The following HTR4 variants were observed in gnomAD, a reference collection of about 807,000 sequenced individuals.
HTR4 encodes the protein 5-hydroxytryptamine receptor 4.
Under a neutral mutation model 36.8 loss-of-function variants are expected in HTR4, and 16 were observed. That is an observed-to-expected ratio of 0.43 (90% CI 0.29 to 0.66). The LOEUF is 0.66. HTR4 is among the 30% of genes least tolerant of loss of function. The pLI, the probability that HTR4 is intolerant of heterozygous loss-of-function variation, is 0.13. For missense variants in HTR4, 438 were observed against 490.9 expected, an observed-to-expected ratio of 0.89 and a Z score of 1.02; for synonymous variants, 189 against 185.1, an observed-to-expected ratio of 1.02 and a Z score of -0.17.
chr5:148,462,707 AC>A (rs1478764648), intron 5 of HTR4, among the ~76,000 whole-genome samples: 1 of 152,130 alleles, frequency 6.6e-6, no homozygotes, highest in Non-Finnish European at 1.5e-5. Flanking sequence ...TTACAAAAAA[AC>A]AAAAAACCCT....
downstream of HTR4, among the ~76,000 whole-genome samples, chr5:148,479,502 A>G (rs992101760): frequency 2.0e-5 from 3 of 152,192 alleles, no homozygotes; most frequent in African/African-American, 7.2e-5. Flanking sequence ...ACTCATATAA[A>G]CATATGTATA....
chr5:148,549,986 T>A, intron 3 of HTR4, 151 bp downstream of exon 3: 1 of 717,700 alleles, frequency 1.4e-6, no homozygotes, highest in Non-Finnish European at 2.2e-6. Context: ...TTAATTGCAA[T>A]CCCTTTTTCT....
At chr5:148,572,654 C>T (rs1393196030) in intron 2 of HTR4, among the ~76,000 whole-genome samples, 2 of 152,086 alleles carry the variant, frequency 1.3e-5, no homozygotes, top group Non-Finnish European at 2.9e-5. Flanking sequence ...TTCGTCATTA[C>T]CAATAGTTGT....
chr5:148,628,941 G>C (rs986181216), intron 2 of HTR4: 1 of 152,070 alleles, frequency 6.6e-6, no homozygotes, highest in Non-Finnish European at 1.5e-5. Context: ...ATCCTATTAG[G>C]TACAGAGGTA....
chr5:148,531,408 A>G (rs977533976), intron 4 of HTR4, among the ~76,000 whole-genome samples: 5 of 152,146 alleles, frequency 3.3e-5, no homozygotes, highest in African/African-American at 1.2e-4. Flanking sequence ...GTTTCCCTGT[A>G]CAAGCTCTCT....
intron 2 of HTR4, among the ~76,000 whole-genome samples, chr5:148,634,237 CA>C (rs1050082924): frequency 6.6e-6 from 1 of 152,104 alleles, no homozygotes; most frequent in African/African-American, 2.4e-5. Context: ...AGGGCATTTG[CA>C]GTCTCCTGCC....
intron 2 of HTR4, among the ~76,000 whole-genome samples, chr5:148,596,688 G>A (rs1761790681): frequency 6.6e-6 from 1 of 151,422 alleles, no homozygotes; most frequent in African/African-American, 2.4e-5. Context: ...TGGAGGGAGG[G>A]GGGTGGGAGG....
At chr5:148,459,153 C>T (rs952975846) in intron 5 of HTR4, among the ~76,000 whole-genome samples, 4 of 152,032 alleles carry the variant, frequency 2.6e-5, no homozygotes, top group Non-Finnish European at 5.9e-5. Flanking sequence ...ACATTCCAGG[C>T]ATGGGCATGG....
At chr5:148,575,828 C>A (rs1760875759) in intron 2 of HTR4, among the ~76,000 whole-genome samples, 1 of 151,928 alleles carries the variant, frequency 6.6e-6, no homozygotes. Context: ...CGGCCCAAGA[C>A]AAGGATGCCT....
intron 2 of HTR4, among the ~76,000 whole-genome samples, chr5:148,563,105 A>T (rs1021512788): frequency 2.0e-5 from 3 of 152,086 alleles, no homozygotes; most frequent in Admixed American, 6.6e-5. Context: ...CCTCACCATG[A>T]CCTATGTAAA....
intron 2 of HTR4, among the ~76,000 whole-genome samples, chr5:148,571,611 A>T (rs1760680911): frequency 1.3e-5 from 2 of 152,016 alleles, no homozygotes; most frequent in Non-Finnish European, 1.5e-5. Context: ...GGGGTGATTG[A>T]GAATTACTGG....
Position 148,483,072 on chromosome 5 carries a change from C to G in HTR4, c.*131G>C, listed in dbSNP as rs913932143. The G allele has an allele frequency of 6.7e-7, 1 of 1,492,264 alleles. No homozygotes were observed. The highest frequency in any genetic ancestry group is 1.4e-5 in the African/African-American group (1 of 71,512). The allele number at this position is 1,492,264 out of a possible 1,614,324, so 92.4% of individuals were successfully genotyped here. ...CTCAGAGGAAAAGCCCAGCGAGCAC[C>G]GGGTTCCTGCACTGGCGGACGGAAA... On this transcript the variant is annotated 3_prime_UTR_variant, in exon 7 of 7. Transcript: ENST00000377888.
At chr5:148,578,101 T>C (rs951488959) in intron 2 of HTR4, among the ~76,000 whole-genome samples, 6 of 152,166 alleles carry the variant, frequency 3.9e-5, no homozygotes, top group Non-Finnish European at 7.4e-5. Context: ...CTTAATGTAC[T>C]AAAAAGTATT....
chr5:148,458,039 A>C (rs1307795399), intron 5 of HTR4, among the ~76,000 whole-genome samples: 1 of 138,316 alleles, frequency 7.2e-6, no homozygotes, highest in African/African-American at 2.6e-5. Context: ...TATTTAATAT[A>C]TATTAAAATA....
chr5:148,455,800 T>C (rs1463268833), intron 5 of HTR4, among the ~76,000 whole-genome samples: 3 of 152,264 alleles, frequency 2.0e-5, no homozygotes, highest in Non-Finnish European at 2.9e-5. Flanking sequence ...TATAATAAAG[T>C]AAGCTACAGA....
intron 2 of HTR4, among the ~76,000 whole-genome samples, chr5:148,565,318 G>A (rs911226574): frequency 6.6e-6 from 1 of 152,016 alleles, no homozygotes; most frequent in Non-Finnish European, 1.5e-5. Context: ...ATCATTATGA[G>A]AGCATGTTGT....
At chr5:148,562,309 G>A (rs1760252274) in intron 2 of HTR4, among the ~76,000 whole-genome samples, 1 of 152,154 alleles carries the variant, frequency 6.6e-6, no homozygotes, top group Non-Finnish European at 1.5e-5. Flanking sequence ...TTTGTAACCA[G>A]AGATGTTTGG....
chr5:148,648,330 G>A (rs532763882), intron 1 of HTR4, among the ~76,000 whole-genome samples: 1 of 152,268 alleles, frequency 6.6e-6, no homozygotes, highest in South Asian at 2.1e-4. Flanking sequence ...AGTCGTGCTA[G>A]GTGAACAGAT....
chr5:148,493,832 A>T (rs907342053), intron 6 of HTR4, among the ~76,000 whole-genome samples: 2 of 152,200 alleles, frequency 1.3e-5, no homozygotes, highest in African/African-American at 4.8e-5. Context: ...GGTCATCCTC[A>T]TTCATCTTTG....
Sources: gnomAD v4.1 joint callset for allele counts (sites outside exome capture counted in the v4.1 genomes callset) on GRCh38, gnomAD v4.1.1 for gene constraint, MANE v1.5 for transcripts, NCBI Gene and HGNC (gene_info 2026-07-23, HGNC 2026-07-21) for gene names.